The following DLGAP2 variants were observed in gnomAD, a reference collection of about 807,000 sequenced individuals.
DLGAP2 encodes the protein disks large-associated protein 2.
In DLGAP2, 26 loss-of-function variants were observed where a neutral mutation model predicts 100.3. The observed-to-expected ratio is 0.26, with a 90% CI of 0.19 to 0.36. DLGAP2 has a LOEUF of 0.36. DLGAP2 is among the 10% of genes least tolerant of loss of function. The pLI, the probability that DLGAP2 is intolerant of heterozygous loss-of-function variation, is 1.00. For synonymous variants in DLGAP2, 886 were observed against 630.1 expected (o/e 1.41, Z -6.08); for missense variants, 1,858 against 1,453.2 (o/e 1.28, Z -4.53).
At chr8:1,355,163 C>T (rs187631230) in intron 3 of DLGAP2, among the ~76,000 whole-genome samples, 35 of 152,332 alleles carry the variant, frequency 2.3e-4, no homozygotes, top group African/African-American at 8.2e-4. Context: ...CAGAAAGCAC[C>T]GTGAAAGCGG....
At chr8:1,006,401 C>A (rs569084871) in intron 2 of DLGAP2, among the ~76,000 whole-genome samples, 48 of 149,874 alleles carry the variant, frequency 3.2e-4, no homozygotes, top group African/African-American at 1.2e-3. Flanking sequence ...CACCATGTGT[C>A]TGAAGTCTCG....
intron 3 of DLGAP2, among the ~76,000 whole-genome samples, chr8:1,435,025 G>C (rs138267886): frequency 8.7e-4 from 132 of 152,272 alleles, no homozygotes; most frequent in African/African-American, 3.0e-3. Context: ...TAAAACTTGA[G>C]CTTTGCCAAC....
At position 1,103,416 on chromosome 8, in the gene DLGAP2, A is replaced by T. The variant is rs371479048; in HGVS notation, c.74-155435A>T. Among the ~76,000 whole-genome samples the T allele has an allele frequency of 1.4e-4, 21 of 150,902 alleles. 1 individual carries two copies. The East Asian group carries it at 3.8e-3, about 27-fold the overall frequency. On this transcript the variant is annotated intron_variant, in intron 2 of 14. Transcript: ENST00000637795. Reference sequence around the variant, plus strand: ...ACTGGCAGGGCCTTGTTTAACGGTGATGACTGGCAGGGCTTTGGTTAACGG... The same window carrying T: ...ACTGGCAGGGCCTTGTTTAACGGTGTTGACTGGCAGGGCTTTGGTTAACGG...
intron 4 of DLGAP2, among the ~76,000 whole-genome samples, chr8:1,510,406 C>T (rs1377909096): frequency 6.6e-6 from 1 of 152,200 alleles, no homozygotes; most frequent in East Asian, 1.9e-4. Flanking sequence ...TTGTTGCATC[C>T]TCTGAAGAGC....
At chr8:758,548 T>C (rs993589700) in intron 1 of DLGAP2, among the ~76,000 whole-genome samples, 1 of 152,176 alleles carries the variant, frequency 6.6e-6, no homozygotes, top group Non-Finnish European at 1.5e-5. Flanking sequence ...CGTTAGTCAC[T>C]GTTAAAGACT....
At chr8:1,628,938 A>T (rs948269954) in intron 7 of DLGAP2, among the ~76,000 whole-genome samples, 8 of 152,244 alleles carry the variant, frequency 5.3e-5, no homozygotes, top group Non-Finnish European at 7.3e-5. Context: ...TCAATTTTAG[A>T]TGCTATTAGG....
chr8:1,553,428 C>T (rs914110723), intron 5 of DLGAP2, among the ~76,000 whole-genome samples: 1 of 152,108 alleles, frequency 6.6e-6, no homozygotes, highest in East Asian at 1.9e-4. Flanking sequence ...GGCGTGTTCA[C>T]GGGCAGCAGC....
At chr8:1,668,199 A>AT (rs974614545) in intron 8 of DLGAP2, 130 bp from the exon 9 acceptor site, 7 of 809,132 alleles carry the variant, frequency 8.7e-6, no homozygotes, top group African/African-American at 5.3e-5. Flanking sequence ...ATTTCACGCT[A>AT]TTTTTTTAGG....
At chr8:1,235,428 C>T (rs1454625961) in intron 2 of DLGAP2, among the ~76,000 whole-genome samples, 5 of 151,342 alleles carry the variant, frequency 3.3e-5, no homozygotes, top group Non-Finnish European at 7.4e-5. Context: ...GTGTCTAGTT[C>T]CCTCACACAT....
At chr8:1,197,441 A>T (rs1170550832) in intron 2 of DLGAP2, among the ~76,000 whole-genome samples, 1 of 152,226 alleles carries the variant, frequency 6.6e-6, no homozygotes, top group African/African-American at 2.4e-5. Context: ...CTGTAGAAAA[A>T]GGGCTACTTC....
chr8:1,310,206 G>A (rs1336334578), intron 3 of DLGAP2, among the ~76,000 whole-genome samples: 1 of 151,778 alleles, frequency 6.6e-6, no homozygotes, highest in Non-Finnish European at 1.5e-5. Context: ...GAAATAAAAG[G>A]GAAATCAAAA....
chr8:1,064,926 A>G (rs539348222), intron 2 of DLGAP2, among the ~76,000 whole-genome samples: 36 of 152,296 alleles, frequency 2.4e-4, no homozygotes, highest in African/African-American at 7.9e-4. Context: ...GGGTGCATGG[A>G]AGAGCATTGC....
chr8:1,089,566 C>T (rs952941399), intron 2 of DLGAP2, among the ~76,000 whole-genome samples: 22 of 152,230 alleles, frequency 1.4e-4, no homozygotes, highest in Non-Finnish European at 2.6e-4. Flanking sequence ...GCCATGCAGG[C>T]TGAGAGCACT....
chr8:1,102,600 T>C (rs1353789320), intron 2 of DLGAP2, among the ~76,000 whole-genome samples: 1 of 86,938 alleles, frequency 1.2e-5, no homozygotes, highest in East Asian at 3.1e-4. Flanking sequence ...GTCCATGCAA[T>C]TCTGATAATA....
intron 2 of DLGAP2, among the ~76,000 whole-genome samples, chr8:941,774 A>T (rs917199107): frequency 6.6e-6 from 1 of 152,160 alleles, no homozygotes; most frequent in Non-Finnish European, 1.5e-5. Context: ...ATAATATTTT[A>T]CATCAGTGTA....
chr8:1,501,861 T>C (rs942815767), intron 4 of DLGAP2, among the ~76,000 whole-genome samples: 5 of 152,218 alleles, frequency 3.3e-5, no homozygotes, highest in African/African-American at 4.8e-5. Flanking sequence ...TGAGTATGAC[T>C]GTGCGCTTCC....
intron 1 of DLGAP2, among the ~76,000 whole-genome samples, chr8:858,960 G>A (rs1272214904): frequency 2.0e-5 from 3 of 152,122 alleles, no homozygotes; most frequent in African/African-American, 7.2e-5. Flanking sequence ...GGAAACTGGG[G>A]TGGGGAGGAG....
chr8:1,252,683 C>T (rs995327275), intron 2 of DLGAP2, among the ~76,000 whole-genome samples: 8 of 152,238 alleles, frequency 5.3e-5, no homozygotes, highest in Non-Finnish European at 7.3e-5. Context: ...GAGGTGCTAG[C>T]GAGGCCGCCG....
chr8:1,233,655 G>T (rs1396042461), intron 2 of DLGAP2, among the ~76,000 whole-genome samples: 5 of 152,166 alleles, frequency 3.3e-5, no homozygotes, highest in Non-Finnish European at 7.3e-5. Flanking sequence ...AGCTTCGTTT[G>T]TGTTTTTAGT....
Sources: gnomAD v4.1 joint callset for allele counts (sites outside exome capture counted in the v4.1 genomes callset) on GRCh38, gnomAD v4.1.1 for gene constraint, MANE v1.5 for transcripts, NCBI Gene and HGNC (gene_info 2026-07-23, HGNC 2026-07-21) for gene names.